Variants in MGMT observed in about 807,000 individuals in gnomAD.
MGMT encodes the protein methylated-DNA--protein-cysteine methyltransferase.
Under a neutral mutation model 15.9 loss-of-function variants are expected in MGMT, and 14 were observed. That is an observed-to-expected ratio of 0.88 (90% CI 0.58 to 1.37). MGMT has a LOEUF of 1.37. MGMT is among the 40% of genes most tolerant of loss of function. The pLI is 0.00. For missense variants in MGMT, 282 were observed against 268.1 expected (o/e 1.05, Z -0.36); for synonymous variants, 130 against 118.2 (o/e 1.10, Z -0.65).
intron 1 of MGMT, among the ~76,000 whole-genome samples, chr10:129,469,335 C>A (rs1845205044): frequency 6.6e-6 from 1 of 152,196 alleles, no homozygotes; most frequent in Non-Finnish European, 1.5e-5. Context: ...GCCAGTGATT[C>A]AGACCTTCCA....
chr10:129,565,227 T>G lies in MGMT; in HGVS notation c.125+28850T>G, dbSNP rs148958878. Among the ~76,000 whole-genome samples, 65 of 152,146 alleles carry G rather than the reference T, an allele frequency of 4.3e-4. No individual in the cohort carries two copies. The East Asian group carries it at 0.013, about 30-fold the overall frequency. ...AGGACCGTGTCCCAGTGTAGTGTCATTTCCTCGTACATGTGGAGTTTAAAG... is the reference window on the plus strand; with the variant it reads ...AGGACCGTGTCCCAGTGTAGTGTCAGTTCCTCGTACATGTGGAGTTTAAAG... On this transcript the variant is annotated intron_variant, in intron 2 of 4. Transcript: ENST00000651593.
At position 129,615,162 on chromosome 10, in the gene MGMT, G is replaced by A. The variant is rs770085185; in HGVS notation, c.125+78785G>A. 5.0e-4 allele frequency among the ~76,000 whole-genome samples: 76 copies of A among 152,184 alleles called. 1 individual carries two copies. Among genetic ancestry groups the A allele is most frequent in the Admixed American group, 1.4e-3 (22 of 15,288 alleles). The stretch of plus-strand genomic sequence containing the variant: ...TGAGATGCCTATATTGGGCAGCTGT[G>A]ATTTTAAGTGAAAGTCATTTCCAGT... On this transcript the variant is annotated intron_variant, in intron 2 of 4. Transcript: ENST00000651593.
chr10:129,530,249 G>C lies in MGMT; in HGVS notation c.-12-5992G>C, dbSNP rs180894244. Reference sequence around the variant, plus strand: ...TTTTTTCTCCTTGAAAAGTTGACTCGTACTAACTGTAGAAAGCTGAGAGAA... The same window carrying C: ...TTTTTTCTCCTTGAAAAGTTGACTCCTACTAACTGTAGAAAGCTGAGAGAA... On this transcript the variant is annotated intron_variant, in intron 1 of 4. Coordinates refer to ENST00000651593, the MANE Select transcript of MGMT (RefSeq NM_002412.5). Among the ~76,000 whole-genome samples, 218 of 152,152 alleles carry C rather than the reference G, an allele frequency of 1.4e-3. 1 individual carries two copies. Among genetic ancestry groups the C allele is most frequent in the African/African-American group, 4.9e-3 (205 of 41,494 alleles).
rs541662492 is a variant in MGMT at position 129,557,295 on chromosome 10, T to A, written c.125+20918T>A. On this transcript the variant is annotated intron_variant, in intron 2 of 4. Transcript: ENST00000651593. ...TATCTTGTCTGACAATCTCCTTGTT[T>A]AACTTCTTGGGCTTTTTCTTTGACA... Among the ~76,000 whole-genome samples, 21 of 152,326 alleles carry A rather than the reference T, an allele frequency of 1.4e-4. No homozygotes were observed. In the South Asian group the frequency reaches 3.1e-3, roughly 23 times the overall value.
chr10:129,698,027 C>T (rs139449891), intron 2 of MGMT, among the ~76,000 whole-genome samples: 1 of 152,180 alleles, frequency 6.6e-6, no homozygotes, highest in Non-Finnish European at 1.5e-5. Flanking sequence ...TGGACGTGGA[C>T]GTTGACTCTC....
chr10:129,694,622 G>T (rs1848009559), intron 2 of MGMT, among the ~76,000 whole-genome samples: 1 of 152,086 alleles, frequency 6.6e-6, no homozygotes, highest in African/African-American at 2.4e-5. Context: ...CCCCCTGTTT[G>T]TTCTTGTGAG....
At chr10:129,481,594 T>A (rs1845358482) in intron 1 of MGMT, among the ~76,000 whole-genome samples, 3 of 152,236 alleles carry the variant, frequency 2.0e-5, no homozygotes, top group African/African-American at 7.2e-5. Flanking sequence ...TAACATTAAC[T>A]ATGAATTCAG....
At chr10:129,734,082 T>G (rs1189697455) in intron 3 of MGMT, among the ~76,000 whole-genome samples, 2 of 151,758 alleles carry the variant, frequency 1.3e-5, no homozygotes, top group East Asian at 3.9e-4. Context: ...AGTAGTTTTT[T>G]CCAATTCTGT....
At chr10:129,611,238 A>C (rs753572724) in intron 2 of MGMT, among the ~76,000 whole-genome samples, 1 of 152,196 alleles carries the variant, frequency 6.6e-6, no homozygotes, top group Non-Finnish European at 1.5e-5. Flanking sequence ...ATTAACTCAG[A>C]GTTATCTGGG....
At chr10:129,721,263 A>G (rs977348498) in intron 3 of MGMT, among the ~76,000 whole-genome samples, 2 of 152,268 alleles carry the variant, frequency 1.3e-5, no homozygotes, top group African/African-American at 4.8e-5. Flanking sequence ...CAGATATTCT[A>G]GGTTGTGTGC....
intron 2 of MGMT, among the ~76,000 whole-genome samples, chr10:129,635,776 G>C (rs1047714097): frequency 6.6e-6 from 1 of 152,194 alleles, no homozygotes; most frequent in African/African-American, 2.4e-5. Context: ...AGACATGTCT[G>C]TTACTTCCAA....
intron 2 of MGMT, among the ~76,000 whole-genome samples, chr10:129,553,883 G>A (rs1394305066): frequency 1.3e-5 from 2 of 152,204 alleles, no homozygotes; most frequent in African/African-American, 2.4e-5. Flanking sequence ...CTCACTGAGC[G>A]GGTATGTGTG....
intron 2 of MGMT, among the ~76,000 whole-genome samples, chr10:129,660,659 T>C (rs1443442293): frequency 1.3e-5 from 2 of 152,130 alleles, no homozygotes; most frequent in Non-Finnish European, 2.9e-5. Context: ...GCTGTGGGTT[T>C]CCATAATGTG....
At chr10:129,543,387 C>T (rs775015442) in intron 2 of MGMT, among the ~76,000 whole-genome samples, 21 of 152,168 alleles carry the variant, frequency 1.4e-4, no homozygotes, top group African/African-American at 4.6e-4. Flanking sequence ...GAGCTCCTCT[C>T]TACAGCACTG....
At chr10:129,651,158 C>T (rs1847453204) in intron 2 of MGMT, among the ~76,000 whole-genome samples, 1 of 152,222 alleles carries the variant, frequency 6.6e-6, no homozygotes, top group Non-Finnish European at 1.5e-5. Flanking sequence ...GGCATGCTCC[C>T]TGCAGCCCTT....
intron 1 of MGMT, among the ~76,000 whole-genome samples, chr10:129,526,627 C>T (rs1473970730): frequency 2.6e-5 from 4 of 152,162 alleles, no homozygotes; most frequent in South Asian, 4.1e-4. Context: ...CTGGATAGGT[C>T]GGACCGCAGG....
chr10:129,664,295 C>T (rs1847633045), intron 2 of MGMT, among the ~76,000 whole-genome samples: 1 of 152,154 alleles, frequency 6.6e-6, no homozygotes, highest in African/African-American at 2.4e-5. Flanking sequence ...TACAAATATT[C>T]TTCTTAATAA....
At chr10:129,498,009 C>T (rs1423069100) in intron 1 of MGMT, among the ~76,000 whole-genome samples, 3 of 152,232 alleles carry the variant, frequency 2.0e-5, no homozygotes, top group Admixed American at 6.5e-5. Context: ...GGAACTAAGA[C>T]GTCTAACTTG....
chr10:129,566,055 C>T lies in MGMT; in HGVS notation c.125+29678C>T, dbSNP rs989276656. Among the ~76,000 whole-genome samples, 1 of 152,250 alleles carries T rather than the reference C, an allele frequency of 6.6e-6. No homozygotes were observed. The highest frequency in any genetic ancestry group is 1.5e-5 in the Non-Finnish European group (1 of 68,046). On this transcript the variant is annotated intron_variant, in intron 2 of 4. Transcript: ENST00000651593. This position sits in a 1 kb window ranked among gnomAD's most constrained non-coding sequence, Gnocchi z 4.1. ...GGCCACTCTTGCAGCTCTGTTCCTT[C>T]TTCAGCTCCTCTGGTCATTCACACG...
Sources: gnomAD v4.1 joint callset for allele counts (sites outside exome capture counted in the v4.1 genomes callset) on GRCh38, gnomAD v4.1.1 for gene constraint, Gnocchi (gnomAD v3.1) non-coding constraint, MANE v1.5 for transcripts, NCBI Gene and HGNC (gene_info 2026-07-23, HGNC 2026-07-21) for gene names.